PLCH1: variants seen among roughly 807,000 people sequenced by gnomAD.
PLCH1 encodes the protein 1-phosphatidylinositol 4,5-bisphosphate phosphodiesterase eta-1.
In PLCH1, 60 loss-of-function variants were observed where a neutral mutation model predicts 126.7. That is an observed-to-expected ratio of 0.47 (90% CI 0.38 to 0.59). The LOEUF (loss-of-function observed/expected upper bound fraction) is 0.59. PLCH1 is among the 20% of genes least tolerant of loss of function. The pLI is 0.00. For missense variants in PLCH1, 1,723 were observed against 2,040.0 expected (o/e 0.84, Z 2.99); for synonymous variants, 719 against 734.9 (o/e 0.98, Z 0.35).
intron 10 of PLCH1, among the ~76,000 whole-genome samples, chr3:155,530,225 GTT>G (rs1344024263): frequency 2.0e-5 from 3 of 151,908 alleles, no homozygotes; most frequent in African/African-American, 7.3e-5. Flanking sequence ...ATCAACTAAG[GTT>G]TTGTACACCT....
chr3:155,634,368 C>T (rs560640953), intron 2 of PLCH1, among the ~76,000 whole-genome samples: 7 of 152,070 alleles, frequency 4.6e-5, no homozygotes, highest in South Asian at 2.1e-4. Context: ...ATAAGCATTG[C>T]GCAAGGTAGT....
intron 21 of PLCH1, among the ~76,000 whole-genome samples, chr3:155,486,549 G>A (rs1171063623): frequency 8.0e-6 from 1 of 125,458 alleles, no homozygotes; most frequent in Non-Finnish European, 1.6e-5. Flanking sequence ...ACGGAGTCTC[G>A]CTCTGTCGCC....
At chr3:155,634,774 C>T (rs1394295100) in intron 2 of PLCH1, among the ~76,000 whole-genome samples, 2 of 152,130 alleles carry the variant, frequency 1.3e-5, no homozygotes, top group African/African-American at 4.8e-5. Context: ...GGGAGAACTG[C>T]GGGCAGAGAA....
intron 1 of PLCH1, among the ~76,000 whole-genome samples, chr3:155,724,232 AAAT>A (rs1227191701): frequency 1.3e-5 from 2 of 152,164 alleles, no homozygotes; most frequent in African/African-American, 4.8e-5. Flanking sequence ...AATATTCTGT[AAAT>A]ATCTGTTAAG....
intron 2 of PLCH1, among the ~76,000 whole-genome samples, chr3:155,648,951 C>A (rs375841543): frequency 6.6e-6 from 1 of 152,154 alleles, no homozygotes; most frequent in Non-Finnish European, 1.5e-5. Flanking sequence ...GCAGGGCCAA[C>A]GACATAGGCC....
chr3:155,662,664 T>C (rs1742299856), intron 2 of PLCH1, among the ~76,000 whole-genome samples: 1 of 152,060 alleles, frequency 6.6e-6, no homozygotes, highest in African/African-American at 2.4e-5. Context: ...TATGTATTTC[T>C]TTTTTTGTTT....
At position 155,458,250 on chromosome 3, in the gene PLCH1, GAGAA is replaced by G. The variant is rs1289122990; in HGVS notation, c.2938+27102_2938+27105del. ...CCAGCTACTAAGGAGGCTGAGGCAGGAGAATCACTTGAACCTGGGAGGCGGAGGT... is the reference window on the plus strand; with the variant it reads ...CCAGCTACTAAGGAGGCTGAGGCAGGTCACTTGAACCTGGGAGGCGGAGGT... On this transcript the variant is annotated intron_variant, in intron 21 of 21. Coordinates refer to the PLCH1 transcript ENST00000494598. Among the ~76,000 whole-genome samples the G allele has an allele frequency of 7.3e-5, 11 of 150,394 alleles. No individual in the cohort carries two copies. In the South Asian group the frequency reaches 1.5e-3, roughly 20 times the overall value.
At chr3:155,722,141 G>A (rs1283172324) in intron 1 of PLCH1, among the ~76,000 whole-genome samples, 1 of 152,100 alleles carries the variant, frequency 6.6e-6, no homozygotes, top group African/African-American at 2.4e-5. Context: ...GTATAATGGT[G>A]GCTGTGGGTT....
chr3:155,517,821 AG>A (rs574295046), intron 11 of PLCH1, among the ~76,000 whole-genome samples: 13 of 152,226 alleles, frequency 8.5e-5, no homozygotes, highest in Non-Finnish European at 1.8e-4. Flanking sequence ...GGCAAAGAGT[AG>A]GGGGACAGCA....
At chr3:155,642,981 A>C (rs1218784207) in intron 2 of PLCH1, among the ~76,000 whole-genome samples, 1 of 151,952 alleles carries the variant, frequency 6.6e-6, no homozygotes, top group African/African-American at 2.4e-5. Context: ...AGGGAGTCTC[A>C]CTTTGTCACC....
chr3:155,481,337 G>T lies in PLCH1; in HGVS notation c.4689C>A (p.Pro1563=). The T allele has an allele frequency of 6.2e-7, 1 of 1,614,224 alleles. No individual in the cohort carries two copies. The highest frequency in any genetic ancestry group is 8.5e-7 in the Non-Finnish European group (1 of 1,180,036). ...LYSKQDANQL[P]RALVRKLSSR... Reference sequence around the variant, plus strand: ...ATGACAACTTCCTGACCAGTGCCCGGGGGAGCTGATTGGCATCCTGCTTTG... The same window carrying T: ...ATGACAACTTCCTGACCAGTGCCCGTGGGAGCTGATTGGCATCCTGCTTTG... The change falls in exon 23 of 23, where the codon CCC becomes CCA. Residue 1563 remains proline (P), a synonymous_variant. Transcript: ENST00000460012. This position sits in a 1 kb window ranked among gnomAD's most constrained non-coding sequence, Gnocchi z 4.2.
At chr3:155,658,349 G>T in intron 2 of PLCH1, 1 of 167,560 alleles carries the variant, frequency 6.0e-6, no homozygotes. Context: ...CCAGAAATTT[G>T]TCATCACCAC....
chr3:155,541,337 A>C (rs1724200606), intron 10 of PLCH1, among the ~76,000 whole-genome samples: 1 of 152,136 alleles, frequency 6.6e-6, no homozygotes, highest in Admixed American at 6.5e-5. Flanking sequence ...CCACTAAAAA[A>C]CTTATCCATG....
chr3:155,708,187 G>A (rs1485247783), intron 1 of PLCH1, among the ~76,000 whole-genome samples: 1 of 152,188 alleles, frequency 6.6e-6, no homozygotes, highest in African/African-American at 2.4e-5. Flanking sequence ...ATCTCTAGGG[G>A]TGGGATTCAG....
chr3:155,707,398 G>A (rs757435715), intron 1 of PLCH1, among the ~76,000 whole-genome samples: 44 of 152,088 alleles, frequency 2.9e-4, no homozygotes, highest in Non-Finnish European at 4.0e-4. Flanking sequence ...TAGAAACAGC[G>A]AAAGACAAGG....
intron 2 of PLCH1, among the ~76,000 whole-genome samples, chr3:155,618,676 T>C (rs75973590): frequency 0.017 from 2,651 of 152,310 alleles, 77 homozygotes; most frequent in African/African-American, 0.06. Context: ...GACAGGGCTC[T>C]GGCTCTGTTG....
At position 155,482,580 on chromosome 3, in the gene PLCH1, G is replaced by C. The variant is rs759087773; in HGVS notation, c.3446C>G (p.Ser1149Cys). Residue 1149 changes from serine (S) to cysteine (C), a missense_variant, in exon 23 of 23, where the codon TCC (serine) becomes TGC (cysteine). Ser to Cys is a moderately radical substitution (Grantham distance 112, BLOSUM62 -1). This residue lies in a region of PLCH1 where 947 missense variants were observed against 977.1 expected (regional missense o/e 0.97). Coordinates refer to ENST00000460012, the MANE Select transcript of PLCH1 (RefSeq NM_014996.4). ...GTCAGGTATGTCAGAACAGAGCATG[G>C]AGACGTCTGACAAAGAAAAGGATGT... ...AATSFSLSDV[S>C]MLCSDIPDLH... The C allele has an allele frequency of 1.2e-6, 2 of 1,614,200 alleles. No individual in the cohort carries two copies. Among genetic ancestry groups the C allele is most frequent in the South Asian group, 2.2e-5 (2 of 91,086 alleles).
At chr3:155,709,876 C>T (rs947176029) in intron 1 of PLCH1, among the ~76,000 whole-genome samples, 2 of 152,118 alleles carry the variant, frequency 1.3e-5, no homozygotes, top group Non-Finnish European at 2.9e-5. Context: ...CCTCAGCTTC[C>T]CAAAGTACTG....
At chr3:155,714,593 T>G (rs1049651562) in intron 1 of PLCH1, among the ~76,000 whole-genome samples, 1 of 152,174 alleles carries the variant, frequency 6.6e-6, no homozygotes, top group Non-Finnish European at 1.5e-5. Flanking sequence ...CACCACTAAA[T>G]CCCAAGTTCC....
Sources: allele counts gnomAD v4.1 joint callset (sites outside exome capture counted in the v4.1 genomes callset), GRCh38; gene constraint gnomAD v4.1.1; regional missense constraint gnomAD v4.1.1; non-coding constraint Gnocchi (gnomAD v3.1); transcripts MANE v1.5; gene names NCBI Gene and HGNC (gene_info 2026-07-23, HGNC 2026-07-21).